MRPL33: variants seen among roughly 807,000 people sequenced by gnomAD.
MRPL33 encodes large ribosomal subunit protein bL33m.
In MRPL33, 5 loss-of-function variants were observed where a neutral mutation model predicts 10.1. The ratio of observed to expected loss-of-function variants is 0.49; its 90% confidence interval spans 0.26 to 1.04. The LOEUF (loss-of-function observed/expected upper bound fraction) is 1.04. MRPL33 is among the 50% of genes least tolerant of loss of function. The pLI is 0.14. For synonymous variants in MRPL33, 24 were observed against 27.7 expected, an observed-to-expected ratio of 0.87 and a Z score of 0.42; for missense variants, 79 against 78.1, an observed-to-expected ratio of 1.01 and a Z score of -0.04.
chr2:27,772,513 T>C, intron 1 of MRPL33, 161 bp from the exon 2 acceptor site: 1 of 581,244 alleles, frequency 1.7e-6, no homozygotes, highest in Non-Finnish European at 3.0e-6. Context: ...CCTAAGGGGA[T>C]CCCTAATAGA....
intron 3 of MRPL33, 49 bp from the exon 4 acceptor site, chr2:27,779,384 G>A: frequency 2.6e-6 from 4 of 1,562,842 alleles, no homozygotes; most frequent in East Asian, 2.3e-5. Flanking sequence ...TAAAAATGGC[G>A]ATGATACTTA....
At chr2:27,775,578 C>G (rs1677133324) in intron 3 of MRPL33, among the ~76,000 whole-genome samples, 1 of 152,074 alleles carries the variant, frequency 6.6e-6, no homozygotes, top group Non-Finnish European at 1.5e-5. Flanking sequence ...TCTTGAACTC[C>G]TGACCTCAGG....
intron 2 of MRPL33, 94 bp downstream of exon 2, chr2:27,772,786 A>G (rs1677078446): frequency 1.1e-5 from 11 of 989,232 alleles, no homozygotes; most frequent in South Asian, 9.2e-5. Context: ...GAAATTAAGC[A>G]TTGGGCCTTG....
At chr2:27,775,428 T>G (rs1677130704) in intron 3 of MRPL33, among the ~76,000 whole-genome samples, 1 of 148,458 alleles carries the variant, frequency 6.7e-6, no homozygotes, top group Non-Finnish European at 1.5e-5. Context: ...TTCGGCTCAC[T>G]GCAACCTCTG....
At chr2:27,778,388 C>A (rs970529117) in intron 3 of MRPL33, among the ~76,000 whole-genome samples, 2 of 151,866 alleles carry the variant, frequency 1.3e-5, no homozygotes, top group African/African-American at 4.8e-5. Context: ...GTGATTATTC[C>A]ATTTCTGGTG....
chr2:27,779,592 C>A lies in MRPL33; in HGVS notation c.*110C>A. ...AAGAAGAGGAAATGGCATGGAATCACTGCCTCCTGTGATTTGAAGGCCATT... is the reference window on the plus strand; with the variant it reads ...AAGAAGAGGAAATGGCATGGAATCAATGCCTCCTGTGATTTGAAGGCCATT... On this transcript the variant is annotated 3_prime_UTR_variant, in exon 4 of 4. Transcript: ENST00000296102. 6.3e-7 allele frequency: 1 copy of A among 1,580,152 alleles called. No homozygotes were observed. Among genetic ancestry groups the A allele is most frequent in the Non-Finnish European group, 8.6e-7 (1 of 1,167,760 alleles).
intron 3 of MRPL33, among the ~76,000 whole-genome samples, chr2:27,778,030 A>G (rs1271320674): frequency 6.6e-6 from 1 of 152,216 alleles, no homozygotes; most frequent in African/African-American, 2.4e-5. Context: ...TACATTTCAC[A>G]TGATTTGAAG....
chr2:27,774,362 C>T (rs1355309325), intron 2 of MRPL33, 62 bp from the exon 3 acceptor site: 3 of 1,339,050 alleles, frequency 2.2e-6, no homozygotes, highest in East Asian at 4.6e-5. Context: ...GTGCCATCCC[C>T]CTGTGACTGA....
Position 27,779,450 on chromosome 2 carries a change from T to A in MRPL33, c.166T>A (p.Phe56Ile), listed in dbSNP as rs1677235650. The part of the protein sequence containing the change: ...YDPVVKQRVL[F>I]VEKKKIRSL ...CTCCATAGTGAAACAAAGAGTCCTC[T>A]TCGTGGAAAAGAAAAAAATACGCTC... Residue 56 changes from phenylalanine (F) to isoleucine (I), a missense_variant, in exon 4 of 4, where the codon TTC (phenylalanine) becomes ATC (isoleucine). Physicochemically the swap from Phe to Ile is conservative, Grantham distance 21. Transcript: ENST00000296102. The A allele has an allele frequency of 2.5e-6, 4 of 1,609,430 alleles. No individual in the cohort carries two copies. Among genetic ancestry groups the A allele is most frequent in the Non-Finnish European group, 3.4e-6 (4 of 1,178,880 alleles).
chr2:27,772,290 G>A, intron 1 of MRPL33: 1 of 242,096 alleles, frequency 4.1e-6, no homozygotes, highest in South Asian at 9.3e-5. Flanking sequence ...CACCACATGT[G>A]ATGGTTGTTG....
At chr2:27,776,923 A>C (rs1050820715) in intron 3 of MRPL33, among the ~76,000 whole-genome samples, 4 of 152,266 alleles carry the variant, frequency 2.6e-5, no homozygotes, top group Admixed American at 2.0e-4. Flanking sequence ...TATCTCTCCC[A>C]CAGGGAAGAA....
At chr2:27,778,339 G>T (rs1160612964) in intron 3 of MRPL33, among the ~76,000 whole-genome samples, 1 of 152,084 alleles carries the variant, frequency 6.6e-6, no homozygotes, top group Non-Finnish European at 1.5e-5. Context: ...GTGAGGAATT[G>T]TTAGGTCATA....
chr2:27,773,813 GAAAT>G (rs766914053), intron 2 of MRPL33, among the ~76,000 whole-genome samples: 5 of 152,140 alleles, frequency 3.3e-5, no homozygotes, highest in Non-Finnish European at 7.4e-5. Flanking sequence ...AATTACATGA[GAAAT>G]AAAATAACAT....
intron 2 of MRPL33, among the ~76,000 whole-genome samples, chr2:27,773,159 A>G (rs1187169650): frequency 6.6e-6 from 1 of 152,256 alleles, no homozygotes; most frequent in Non-Finnish European, 1.5e-5. Context: ...CATTTCAAAA[A>G]TAGCCAAGAT....
In MRPL33 at chr2:27,774,618, C is replaced by T. The variant is rs997011069; in HGVS notation, c.148+88C>T. ...AACTCTCTGGAGGTGTTTTTTTAGC[C>T]TCTGACACTAGCATTCATTTAGTAA... On this transcript the variant is annotated intron_variant, in intron 3 of 3. Transcript: ENST00000296102. 7 of 946,298 alleles carry T rather than the reference C, an allele frequency of 7.4e-6. No individual in the cohort carries two copies. In the Admixed American group the frequency reaches 1.3e-4, roughly 18 times the overall value. 58.6% of individuals were successfully genotyped at this position (946,298 alleles called of 1,614,324 possible).
chr2:27,777,007 G>T (rs745835508), intron 3 of MRPL33, among the ~76,000 whole-genome samples: 29 of 152,262 alleles, frequency 1.9e-4, no homozygotes, highest in South Asian at 8.3e-4. Context: ...AGTTGGAACC[G>T]AGTCTTTCTC....
In MRPL33 at chr2:27,771,787, T is replaced by G; in HGVS notation, c.10T>G (p.Ser4Ala). Residue 4 changes from serine to alanine, a missense_variant, in exon 1 of 4, where the codon TCC becomes GCC. Coordinates refer to ENST00000296102, the MANE Select transcript of MRPL33 (RefSeq NM_004891.4). ...CCCAGGTGTGGTCACCATGTTCCTC[T>G]CCGCGGTCTTCTGTAAGTGGGGCTG... Reference protein sequence around the residue: MFLSAVFFAKSKSK... With the variant: MFLAAVFFAKSKSK... 6.2e-7 allele frequency: 1 copy of G among 1,613,936 alleles called. No individual in the cohort carries two copies. The highest frequency in any genetic ancestry group is 1.7e-4 in the Middle Eastern group (1 of 6,060).
chr2:27,775,681 TAAC>T (rs1382268394), intron 3 of MRPL33, among the ~76,000 whole-genome samples: 1 of 152,180 alleles, frequency 6.6e-6, no homozygotes, highest in East Asian at 1.9e-4. Flanking sequence ...ATGGCTATAA[TAAC>T]ATGAGCAGAC....
chr2:27,779,504 TGATTTATAAAGAGAA>T lies in MRPL33; in HGVS notation c.*25_*39del, dbSNP rs754089877. On this transcript the variant is annotated 3_prime_UTR_variant, in exon 4 of 4. Transcript: ENST00000296102. ...TTAAACGGTGGATTGAAAATGACTT[TGATTTATAAAGAGAA>T]GACTGAGGGCGGGGATACTGATTCA... 1.2e-6 allele frequency: 2 copies of T among 1,613,424 alleles called. No homozygotes were observed. Among genetic ancestry groups the T allele is most frequent in the Non-Finnish European group, 1.7e-6 (2 of 1,179,788 alleles).
Sources: gnomAD v4.1 joint callset for allele counts (sites outside exome capture counted in the v4.1 genomes callset) on GRCh38, gnomAD v4.1.1 for gene constraint, MANE v1.5 for transcripts, NCBI Gene and HGNC (gene_info 2026-07-23, HGNC 2026-07-21) for gene names.